The following MMACHC variants were observed in gnomAD, a reference collection of about 807,000 sequenced individuals.
The protein encoded by MMACHC is metabolism of cobalamin associated C.
Under a neutral mutation model 17.6 loss-of-function variants are expected in MMACHC, and 14 were observed. The ratio of observed to expected loss-of-function variants is 0.80; its 90% CI spans 0.53 to 1.25. MMACHC has a LOEUF of 1.25. Among genes scored for constraint, MMACHC ranks in the 50% most tolerant of loss-of-function variants. The probability of loss-of-function intolerance (pLI) is 0.00; values close to 1 mark genes in which losing one functional copy is unlikely to be tolerated. For synonymous variants in MMACHC, 151 were observed against 142.1 expected (o/e 1.06, Z -0.45); for missense variants, 392 against 364.5 (o/e 1.08, Z -0.62).
At position 45,511,060 on chromosome 1, in the gene MMACHC, A is replaced by C. The variant is rs1384947898; in HGVS notation, c.*1845A>C. 2 of 307,162 alleles carry C rather than the reference A, an allele frequency of 6.5e-6. No individual in the cohort carries two copies. The highest frequency in any genetic ancestry group is 1.0e-4 in the Admixed American group (2 of 19,884). 19.0% of individuals were successfully genotyped at this position (307,162 alleles called of 1,614,324 possible). A position where few individuals can be genotyped will look rare whatever the true frequency, so the allele number is the denominator to read the frequency against. The stretch of plus-strand genomic sequence containing the variant: ...TAAAGACTCATCAAGGTCTCAGTTC[A>C]AGTTTAATACAAACTACAAAAGATT... On this transcript the variant is annotated 3_prime_UTR_variant, in exon 4 of 4. Transcript: ENST00000401061.
rs869087041 is a variant in MMACHC, at chr1:45,512,069, CTTTTTTTTTTTTT to C, written c.*2869_*2881del. ...GCAAGGGGACTAATCTCTTATTTTT[CTTTTTTTTTTTTT>C]TTTTTTTTTTTTTTGAGATGGAGTC... On this transcript the variant is annotated 3_prime_UTR_variant, in exon 4 of 4. Transcript: ENST00000401061. The C allele has an allele frequency of 9.0e-5, 6 of 66,906 alleles. 1 individual carries two copies. The East Asian group carries it at 2.7e-3, about 30-fold the overall frequency. The allele number at this position is 66,906 out of a possible 1,614,324, so 4.1% of individuals were successfully genotyped here. A position where few individuals can be genotyped will look rare whatever the true frequency, so the allele number is the denominator to read the frequency against.
At position 45,511,523 on chromosome 1, in the gene MMACHC, T is replaced by C. The variant is rs1643744952; in HGVS notation, c.*2308T>C. 2.5e-6 allele frequency: 2 copies of C among 800,838 alleles called. No homozygotes were observed. Among genetic ancestry groups the C allele is most frequent in the South Asian group, 3.7e-5 (2 of 54,216 alleles). 49.6% of individuals were successfully genotyped at this position (800,838 alleles called of 1,614,324 possible). A position where few individuals can be genotyped will look rare whatever the true frequency, so the allele number is the denominator to read the frequency against. On this transcript the variant is annotated 3_prime_UTR_variant, in exon 4 of 4. Transcript: ENST00000401061. ...CTGAACACTCAGATACCAGGAAACCTACCCCTGCAATCAGTCTTAGATCAT... is the reference window on the plus strand; with the variant it reads ...CTGAACACTCAGATACCAGGAAACCCACCCCTGCAATCAGTCTTAGATCAT...
In MMACHC at chr1:45,508,270, G is replaced by T. The variant is rs762885252; in HGVS notation, c.335G>T (p.Arg112Leu). ...GACTACGAGGTGCACCCCAACCGAC[G>T]CCCCAAGATCCTGGCCCAGACAGCA... The part of the protein sequence containing the change: ...IADYEVHPNR[R>L]PKILAQTAAH... Residue 112 changes from arginine to leucine, a missense_variant, in exon 3 of 4, where the codon CGC becomes CTC. Transcript: ENST00000401061. 2 of 1,614,066 alleles carry T rather than the reference G, an allele frequency of 1.2e-6. No individual in the cohort carries two copies. Among genetic ancestry groups the T allele is most frequent in the Non-Finnish European group, 1.7e-6 (2 of 1,180,008 alleles).
At position 45,509,253 on chromosome 1, in the gene MMACHC, G is replaced by A. The variant is rs1643692821; in HGVS notation, c.*38G>A. On this transcript the variant is annotated 3_prime_UTR_variant, in exon 4 of 4. Transcript: ENST00000401061. ...TGGACCCTGATTTATGGTGGTACTT[G>A]CTAGGACTTAATTGGCTTTGGCAAA... is the stretch of plus-strand genomic sequence containing the variant. 6.2e-7 allele frequency: 1 copy of A among 1,612,928 alleles called. No homozygotes were observed. The highest frequency in any genetic ancestry group is 8.5e-7 in the Non-Finnish European group (1 of 1,179,268).
At chr1:45,503,865 A>G (rs1262845120) in intron 1 of MMACHC, among the ~76,000 whole-genome samples, 1 of 152,214 alleles carries the variant, frequency 6.6e-6, no homozygotes, top group African/African-American at 2.4e-5. Context: ...CTTTGTGTGA[A>G]CAGCAGAAAC....
chr1:45,508,103 T>C, intron 2 of MMACHC, 109 bp from the exon 3 acceptor site: 1 of 1,370,218 alleles, frequency 7.3e-7, no homozygotes, highest in Non-Finnish European at 1.0e-6. Flanking sequence ...TGTTTTCCCT[T>C]CTGAGGACAG....
In MMACHC at chr1:45,509,182, C is replaced by T; in HGVS notation, c.816C>T (p.Pro272=). The change falls in exon 4 of 4, where the codon CCC becomes CCT. Residue 272 remains proline, a synonymous_variant. Coordinates refer to ENST00000401061, the MANE Select transcript of MMACHC (RefSeq NM_015506.3). ...GCAGAGCCCGGAGCTGGCTCAGCCC[C>T]AGGGTCTCACCACCTGCATCCCCTG... ...NPSRARSWLS[P]RVSPPASPGP is the part of the protein sequence containing the mutation. 9 of 1,614,160 alleles carry T rather than the reference C, an allele frequency of 5.6e-6. No homozygotes were observed. Among genetic ancestry groups the T allele is most frequent in the South Asian group, 1.1e-5 (1 of 91,086 alleles).
Position 45,506,987 on chromosome 1 carries a change from C to T in MMACHC, c.82-369C>T, listed in dbSNP as rs559206805. Among the ~76,000 whole-genome samples the T allele has an allele frequency of 3.6e-4, 54 of 151,674 alleles. 1 individual carries two copies. The highest frequency in any genetic ancestry group is 3.1e-3 in the Admixed American group (47 of 15,246). ...TCGGAGACCAGCCTGGCCAACATGG[C>T]GAAACCCTGTCTCTACTAAAAATAC... On this transcript the variant is annotated intron_variant, in intron 1 of 3. Transcript: ENST00000401061.
chr1:45,511,354 T>C lies in MMACHC; in HGVS notation c.*2139T>C. On this transcript the variant is annotated 3_prime_UTR_variant, in exon 4 of 4. Transcript: ENST00000401061. ...TCACTTCTGCTTGGAGAAATATTCT[T>C]TGCTCTTTTGGACATCAGGCTTGAT... 6.2e-7 allele frequency: 1 copy of C among 1,613,044 alleles called. No individual in the cohort carries two copies. The highest frequency in any genetic ancestry group is 1.1e-5 in the South Asian group (1 of 90,852).
At position 45,508,783 on chromosome 1, in the gene MMACHC, A is replaced by C; in HGVS notation, c.430-13A>C. The stretch of plus-strand genomic sequence containing the variant: ...GACCTCCATGACCTTGCTTTTCTTC[A>C]CCCTCTCCCCAGCGCATATCAGGTG... On this transcript the variant is annotated splice_polypyrimidine_tract_variant and intron_variant, in intron 3 of 3. Transcript: ENST00000401061. 1 of 1,611,642 alleles carries C rather than the reference A, an allele frequency of 6.2e-7. No individual in the cohort carries two copies.
At position 45,509,335 on chromosome 1, in the gene MMACHC, T is replaced by C. The variant is rs555832918; in HGVS notation, c.*120T>C. 8 of 1,226,416 alleles carry C rather than the reference T, an allele frequency of 6.5e-6. No individual in the cohort carries two copies. In the African/African-American group the frequency reaches 7.6e-5, roughly 12 times the overall value. The allele number at this position is 1,226,416 out of a possible 1,614,324, so 76.0% of individuals were successfully genotyped here. ...TTGATAATATAGTAGAGATCTTCCA[T>C]GAAGATAACAAGGCTCAAGGAAGTT... On this transcript the variant is annotated 3_prime_UTR_variant, in exon 4 of 4. Transcript: ENST00000401061.
In MMACHC at chr1:45,508,289, G is replaced by A. The variant is rs765769901; in HGVS notation, c.354G>A (p.Gln118=). The A allele has an allele frequency of 3.1e-6, 5 of 1,614,222 alleles. No homozygotes were observed. In the Admixed American group the frequency reaches 8.3e-5, roughly 27 times the overall value. ...HPNRRPKILA[Q]TAAHVAGAAY... ...ACCGACGCCCCAAGATCCTGGCCCA[G>A]ACAGCAGCCCATGTAGCTGGGGCTG... Residue 118 remains glutamine, a synonymous_variant, in exon 3 of 4, where the codon CAG becomes CAA. Coordinates refer to ENST00000401061, the MANE Select transcript of MMACHC (RefSeq NM_015506.3).
In MMACHC at chr1:45,511,237, G is replaced by A. The variant is rs1643737342; in HGVS notation, c.*2022G>A. 9.2e-7 allele frequency: 1 copy of A among 1,091,830 alleles called. No individual in the cohort carries two copies. Among genetic ancestry groups the A allele is most frequent in the South Asian group, 1.6e-5 (1 of 64,262 alleles). The allele number at this position is 1,091,830 out of a possible 1,614,324, so 67.6% of individuals were successfully genotyped here. ...ACACCACAATTCGGCTGAATCTGAA[G>A]TCTTGTGTTTTACTAATGGAAAAAA... On this transcript the variant is annotated 3_prime_UTR_variant, in exon 4 of 4. Coordinates refer to ENST00000401061, the MANE Select transcript of MMACHC (RefSeq NM_015506.3).
At position 45,508,304 on chromosome 1, in the gene MMACHC, A is replaced by C. The variant is rs1643666589; in HGVS notation, c.369A>C (p.Val123=). ...TCCTGGCCCAGACAGCAGCCCATGT[A>C]GCTGGGGCTGCTTACTACTACCAAC... ...PKILAQTAAH[V]AGAAYYYQRQ... Residue 123 remains valine, a synonymous_variant, in exon 3 of 4, where the codon GTA becomes GTC. Transcript: ENST00000401061. 6.2e-7 allele frequency: 1 copy of C among 1,614,060 alleles called. No individual in the cohort carries two copies. The highest frequency in any genetic ancestry group is 8.5e-7 in the Non-Finnish European group (1 of 1,180,008).
Position 45,510,545 on chromosome 1 carries a change from G to C in MMACHC, c.*1330G>C, listed in dbSNP as rs1422064411. 1.3e-5 allele frequency: 2 copies of C among 151,522 alleles called. No individual in the cohort carries two copies. Among genetic ancestry groups the C allele is most frequent in the African/African-American group, 4.9e-5 (2 of 41,144 alleles). The allele number at this position is 151,522 out of a possible 1,614,324, so 9.4% of individuals were successfully genotyped here. On this transcript the variant is annotated 3_prime_UTR_variant, in exon 4 of 4. Transcript: ENST00000401061. ...CTAAAAAAGACTATCTCTAATCAAGGCTAGAACCAAGGGAAGGCTAAGAAT... is the reference window on the plus strand; with the variant it reads ...CTAAAAAAGACTATCTCTAATCAAGCCTAGAACCAAGGGAAGGCTAAGAAT...
At chr1:45,501,315 G>C (rs1643542188) in intron 1 of MMACHC, among the ~76,000 whole-genome samples, 1 of 152,208 alleles carries the variant, frequency 6.6e-6, no homozygotes, top group Non-Finnish European at 1.5e-5. Flanking sequence ...GCACTGAGCA[G>C]TTAAGTTACA....
At position 45,511,495 on chromosome 1, in the gene MMACHC, C is replaced by T; in HGVS notation, c.*2280C>T. 1 of 1,128,738 alleles carries T rather than the reference C, an allele frequency of 8.9e-7. No homozygotes were observed. The highest frequency in any genetic ancestry group is 1.3e-6 in the Non-Finnish European group (1 of 771,474). The allele number at this position is 1,128,738 out of a possible 1,614,324, so 69.9% of individuals were successfully genotyped here. ...TCTCCTATGGACAAAACCAGTTCTG[C>T]ACCTGAACACTCAGATACCAGGAAA... On this transcript the variant is annotated 3_prime_UTR_variant, in exon 4 of 4. Coordinates refer to ENST00000401061, the MANE Select transcript of MMACHC (RefSeq NM_015506.3).
Position 45,509,057 on chromosome 1 carries a change from T to C in MMACHC, c.691T>C (p.Leu231=), listed in dbSNP as rs373198842. Residue 231 remains leucine (L), a synonymous_variant, in exon 4 of 4, where the codon TTG becomes CTG. Transcript: ENST00000401061. ...CTTCTCCACTCCACCTGCCCAACGA[T>C]TGGCCCTATTGGGCTTGGCTCAGCC... is the stretch of plus-strand genomic sequence containing the variant. The part of the protein sequence containing the change: ...AYFSTPPAQR[L]ALLGLAQPSE... 8.0e-5 allele frequency: 129 copies of C among 1,613,842 alleles called. No individual in the cohort carries two copies. In the African/African-American group the frequency reaches 1.3e-3, roughly 16 times the overall value.
rs1318865639 is a variant in MMACHC, at chr1:45,512,228, G to A, written c.*3013G>A. 4 of 150,856 alleles carry A rather than the reference G, an allele frequency of 2.7e-5. No individual in the cohort carries two copies. The East Asian group carries it at 7.9e-4, about 30-fold the overall frequency. The allele number at this position is 150,856 out of a possible 1,614,324, so 9.3% of individuals were successfully genotyped here. A position where few individuals can be genotyped will look rare whatever the true frequency, so the allele number is the denominator to read the frequency against. On this transcript the variant is annotated 3_prime_UTR_variant, in exon 4 of 4. Transcript: ENST00000401061. ...AGCCTCCCAAATAGCTAGGATTACA[G>A]GCGCCCACCACCACACCTGGCTAAT... is the stretch of plus-strand genomic sequence containing the variant.
Sources: gnomAD v4.1 joint callset for allele counts (sites outside exome capture counted in the v4.1 genomes callset) on GRCh38, gnomAD v4.1.1 for gene constraint, MANE v1.5 for transcripts, NCBI Gene and HGNC (gene_info 2026-07-23, HGNC 2026-07-21) for gene names.